Variants in RYR1 observed in about 807,000 individuals in gnomAD.
RYR1 encodes central core disease of muscle.
RYR1 carries 342 observed loss-of-function variants against 583.5 expected under a neutral mutation model. The ratio of observed to expected loss-of-function variants is 0.59; its 90% CI spans 0.54 to 0.64. The LOEUF is 0.64. RYR1 is among the 30% of genes least tolerant of loss of function. The pLI, the probability that RYR1 is intolerant of heterozygous loss-of-function variation, is 0.00. For missense variants in RYR1, 6,032 were observed against 6,917.2 expected (o/e 0.87, Z 4.54); for synonymous variants, 2,791 against 2,822.5 (o/e 0.99, Z 0.35).
intron 89 of RYR1, among the ~76,000 whole-genome samples, chr19:38,551,908 A>C (rs1418848337): frequency 6.6e-6 from 1 of 152,110 alleles, no homozygotes; most frequent in African/African-American, 2.4e-5. Flanking sequence ...GAATTTGCTC[A>C]TTTAGTCCTT....
rs948958857 is a variant in RYR1, at chr19:38,575,952, C to G, written c.14163C>G (p.Val4721=). The part of the protein sequence containing the change: ...SFPSNYWDKF[V]KRKVLDKHGD... ...CTAGCAACTACTGGGACAAGTTTGT[C>G]AAGCGCAAGGTGAGAGGACATGGAT... is the stretch of plus-strand genomic sequence containing the variant. The change falls in exon 97 of 106, where the codon GTC becomes GTG. Residue 4721 remains valine, a synonymous_variant. Transcript: ENST00000359596. The G allele has an allele frequency of 9.3e-6, 15 of 1,614,078 alleles. No homozygotes were observed. The African/African-American group carries it at 9.3e-5, about 10-fold the overall frequency.
intron 34 of RYR1, 66 bp downstream of exon 34, chr19:38,486,268 C>T: frequency 6.3e-7 from 1 of 1,595,672 alleles, no homozygotes; most frequent in Non-Finnish European, 8.6e-7. Flanking sequence ...TCCAGAGATA[C>T]ATGCATCAAT....
At chr19:38,551,732 AC>A (rs1972675177) in intron 89 of RYR1, among the ~76,000 whole-genome samples, 1 of 151,316 alleles carries the variant, frequency 6.6e-6, no homozygotes, top group Non-Finnish European at 1.5e-5. Flanking sequence ...TCCCTCCCCA[AC>A]CCTGAGGGGC....
At position 38,433,846 on chromosome 19, in the gene RYR1, G is replaced by A. The variant is rs1218901600; in HGVS notation, c.17G>A (p.Gly6Asp). The A allele has an allele frequency of 6.2e-7, 1 of 1,612,102 alleles. No individual in the cohort carries two copies. Among genetic ancestry groups the A allele is most frequent in the African/African-American group, 1.3e-5 (1 of 74,774 alleles). The change falls in exon 1 of 106, where the codon GGC becomes GAC. Residue 6 changes from glycine (G) to aspartate (D), a missense_variant. By Grantham distance (94) the Gly-to-Asp change is moderately conservative. Transcript: ENST00000359596. Reference protein sequence around the residue: MGDAEGEDEVQFLRTD... With the variant: MGDAEDEDEVQFLRTD... ...CTCGACATCATGGGTGACGCAGAAG[G>A]CGAAGACGAGGTCCAGTTCCTGCGG...
At chr19:38,571,958 A>C in intron 94 of RYR1, 61 bp from the exon 95 acceptor site, 1 of 1,612,172 alleles carries the variant, frequency 6.2e-7, no homozygotes, top group Non-Finnish European at 8.5e-7. Flanking sequence ...ATGGAGGCTC[A>C]ATTTTGTGAG....
chr19:38,513,021 G>C (rs910688073), intron 63 of RYR1, among the ~76,000 whole-genome samples: 1 of 151,928 alleles, frequency 6.6e-6, no homozygotes. Context: ...TTAAAAAAGA[G>C]AGTCTATTGA....
rs1386118815 is a variant in RYR1 at position 38,483,039 on chromosome 19, A to G, written c.4633A>G (p.Thr1545Ala). 2 of 1,613,900 alleles carry G rather than the reference A, an allele frequency of 1.2e-6. No individual in the cohort carries two copies. Among genetic ancestry groups the G allele is most frequent in the Non-Finnish European group, 1.7e-6 (2 of 1,179,984 alleles). ...TCTCCTCTGCCAGGTGGAACCCAACACTAAGCTATTTCCTGCCGTCTTCGT... is the reference window on the plus strand; with the variant it reads ...TCTCCTCTGCCAGGTGGAACCCAACGCTAAGCTATTTCCTGCCGTCTTCGT... ...SNTFFQVEPN[T>A]KLFPAVFVLP... Residue 1545 changes from threonine (T) to alanine (A), a missense_variant, in exon 32 of 106, where the codon ACT becomes GCT. Thr to Ala is a moderately conservative substitution (Grantham distance 58). Coordinates refer to ENST00000359596, the MANE Select transcript of RYR1 (RefSeq NM_000540.3). The surrounding 1 kb of genome is among the most constrained non-coding windows in gnomAD (Gnocchi z 6.3).
chr19:38,498,456 A>G (rs1174767782), intron 42 of RYR1, among the ~76,000 whole-genome samples: 3 of 152,156 alleles, frequency 2.0e-5, no homozygotes, highest in African/African-American at 7.2e-5. Context: ...AGGCCCAAAG[A>G]GAAGGTTCTT....
At chr19:38,539,115 C>G (rs947716304) in intron 84 of RYR1, among the ~76,000 whole-genome samples, 1 of 151,856 alleles carries the variant, frequency 6.6e-6, no homozygotes, top group Non-Finnish European at 1.5e-5. Context: ...AATCTTCATT[C>G]TTTTTCTTTC....
In RYR1 at chr19:38,567,847, C is replaced by T. The variant is rs754384042; in HGVS notation, c.13589C>T (p.Pro4530Leu). The T allele has an allele frequency of 7.4e-6, 12 of 1,614,142 alleles. No homozygotes were observed. The highest frequency in any genetic ancestry group is 4.4e-5 in the South Asian group (4 of 91,076). The change falls in exon 93 of 106, where the codon CCC becomes CTC. Residue 4530 changes from proline to leucine, a missense_variant. By Grantham distance (98) the Pro-to-Leu change is moderately conservative. Transcript: ENST00000359596. ...CCCAAGAAGCAAGCACCTCCCTCAC[C>T]CCCTCCAAAGAAGGAGGAAGCTGGA... Reference protein sequence around the residue: ...EPPKKQAPPSPPPKKEEAGGE... With the variant: ...EPPKKQAPPSLPPKKEEAGGE...
chr19:38,523,461 C>T, intron 69 of RYR1, 152 bp downstream of exon 69: 2 of 783,032 alleles, frequency 2.6e-6, no homozygotes, highest in South Asian at 1.5e-5. Flanking sequence ...CTCCCTCTCC[C>T]TTCCTCCCCA....
rs745620617 is a variant in RYR1 at position 38,586,010 on chromosome 19, A to G, written c.14868+8A>G. On this transcript the variant is annotated splice_region_variant and intron_variant, in intron 103 of 105. Coordinates refer to ENST00000359596, the MANE Select transcript of RYR1 (RefSeq NM_000540.3). ...GTGAAGGAGGATATGGAGGTAGGTC[A>G]TGTCTGGGGGTGACCCAGAGGGATT... 1.2e-6 allele frequency: 2 copies of G among 1,614,112 alleles called. No individual in the cohort carries two copies. Among genetic ancestry groups the G allele is most frequent in the Non-Finnish European group, 8.5e-7 (1 of 1,180,022 alleles).
At chr19:38,523,547 G>A (rs1445844953) in intron 69 of RYR1, 5 of 602,758 alleles carry the variant, frequency 8.3e-6, no homozygotes, top group Non-Finnish European at 1.2e-5. Context: ...TCTCATCTCT[G>A]TCTCCTTCCT....
At chr19:38,533,147 G>A (rs1971817758) in intron 78 of RYR1, among the ~76,000 whole-genome samples, 1 of 152,070 alleles carries the variant, frequency 6.6e-6, no homozygotes, top group East Asian at 1.9e-4. Context: ...TCGGAGGAGG[G>A]GACTTCTGAG....
At position 38,528,312 on chromosome 19, in the gene RYR1, C is replaced by T. The variant is rs751498492; in HGVS notation, c.10831C>T (p.His3611Tyr). The T allele has an allele frequency of 6.2e-6, 10 of 1,614,058 alleles. No homozygotes were observed. In the South Asian group the frequency reaches 8.8e-5, roughly 14 times the overall value. ...CCTGCTATCCCCTCCCCAGACCGAG[C>T]ACCCTTACAAGTCTAAGAAGGCCGT... ...AVLYYLDQTEHPYKSKKAVWH... is the reference protein window; with the variant it reads ...AVLYYLDQTEYPYKSKKAVWH... The change falls in exon 74 of 106, where the codon CAC becomes TAC. Residue 3611 changes from histidine (H) to tyrosine (Y), a missense_variant. Physicochemically the swap from His to Tyr is moderately conservative, Grantham distance 83. Around this residue, in one of 11 missense-constraint regions of RYR1, gnomAD observed 1,493 missense variants for 1,715.5 expected, o/e 0.87. Coordinates refer to ENST00000359596, the MANE Select transcript of RYR1 (RefSeq NM_000540.3).
At position 38,483,180 on chromosome 19, in the gene RYR1, G is replaced by A. The variant is rs145274168; in HGVS notation, c.4707+67G>A. 1.2e-5 allele frequency: 19 copies of A among 1,595,626 alleles called. No individual in the cohort carries two copies. Among genetic ancestry groups the A allele is most frequent in the Admixed American group, 1.7e-5 (1 of 59,824 alleles). On this transcript the variant is annotated intron_variant, in intron 32 of 105. Transcript: ENST00000359596. The surrounding 1 kb of genome is among the most constrained non-coding windows in gnomAD (Gnocchi z 6.3). ...GGCAGGAGATGTGGGGAGGCCAGGC[G>A]GGCAGAGCCACTGAAGGGGAGGGGG...
intron 88 of RYR1, among the ~76,000 whole-genome samples, chr19:38,547,755 A>C (rs1972495969): frequency 1.4e-5 from 2 of 145,802 alleles, no homozygotes; most frequent in South Asian, 2.2e-4. Flanking sequence ...TCACTCCATC[A>C]CCCAGGCTGG....
chr19:38,502,810 G>GGAGC lies in RYR1; in HGVS notation c.7836-70_7836-69insGAGC, dbSNP rs1568506844. 5.2e-4 allele frequency: 346 copies of GGAGC among 667,670 alleles called. 16 individuals are homozygous for GGAGC. The highest frequency in any genetic ancestry group is 9.9e-4 in the Admixed American group (22 of 22,178). The allele number at this position is 667,670 out of a possible 1,614,324, so 41.4% of individuals were successfully genotyped here. Reference sequence around the variant, plus strand: ...GCAGGGGCAGGGGCAGGGGCAGGGGGAGGAGCAGGGGCAGGGGCAGCAGAG... The same window carrying GGAGC: ...GCAGGGGCAGGGGCAGGGGCAGGGGGGAGCAGGAGCAGGGGCAGGGGCAGCAGAG... On this transcript the variant is annotated intron_variant, in intron 48 of 105. Transcript: ENST00000359596.
At chr19:38,571,183 G>A (rs974760502) in intron 94 of RYR1, among the ~76,000 whole-genome samples, 1 of 152,188 alleles carries the variant, frequency 6.6e-6, no homozygotes, top group African/African-American at 2.4e-5. Flanking sequence ...GGACAGTAAG[G>A]TAGACTAGAG....
Sources: gnomAD v4.1 joint callset for allele counts (sites outside exome capture counted in the v4.1 genomes callset) on GRCh38, gnomAD v4.1.1 for gene constraint, gnomAD v4.1.1 regional missense constraint, Gnocchi (gnomAD v3.1) non-coding constraint, MANE v1.5 for transcripts, NCBI Gene and HGNC (gene_info 2026-07-23, HGNC 2026-07-21) for gene names.